Variants in GTPBP10 observed in about 807,000 individuals in gnomAD.
The protein encoded by GTPBP10 is GTP-binding protein 10.
In GTPBP10, 38 loss-of-function variants were observed where a neutral mutation model predicts 44.8. The ratio of observed to expected loss-of-function variants is 0.85; its 90% CI spans 0.65 to 1.11. The LOEUF is 1.11. Among genes scored for constraint, GTPBP10 ranks in the 50% most tolerant of loss-of-function variants. The probability of loss-of-function intolerance (pLI) is 0.00; values close to 1 mark genes in which losing one functional copy is unlikely to be tolerated. For synonymous variants in GTPBP10, 152 were observed against 150.6 expected (o/e 1.01, Z -0.07); for missense variants, 462 against 453.7 (o/e 1.02, Z -0.17).
chr7:90,371,533 T>G (rs1299321139), intron 4 of GTPBP10, among the ~76,000 whole-genome samples: 1 of 152,080 alleles, frequency 6.6e-6, no homozygotes, highest in African/African-American at 2.4e-5. Context: ...GAAAAGAAAC[T>G]CTGTAGGACA....
rs59645149 is a variant in GTPBP10 at position 90,365,368 on chromosome 7, C to CTTTTTTTTT, written c.465-6770_465-6762dup. ...TTTTGGACTGAGACTTTGGGGTTTTCTTTTTTTTTTTTTTTTTTTTTTTTT... is the reference window on the plus strand; with the variant it reads ...TTTTGGACTGAGACTTTGGGGTTTTCTTTTTTTTTTTTTTTTTTTTTTTTTTTTTTTTTT... On this transcript the variant is annotated intron_variant, in intron 4 of 9. Coordinates refer to ENST00000222511, the MANE Select transcript of GTPBP10 (RefSeq NM_033107.4). Among the ~76,000 whole-genome samples the CTTTTTTTTT allele has an allele frequency of 4.2e-4, 38 of 90,362 alleles. 2 individuals carry two copies. The highest frequency in any genetic ancestry group is 7.1e-4 in the Admixed American group (5 of 7,092). 59.3% of individuals were successfully genotyped at this position (90,362 alleles called of 152,430 possible).
chr7:90,349,547 A>G (rs1795748128), intron 1 of GTPBP10, among the ~76,000 whole-genome samples: 1 of 152,212 alleles, frequency 6.6e-6, no homozygotes, highest in South Asian at 2.1e-4. Context: ...TTTGTTCTCT[A>G]GGCCTTCTTA....
At chr7:90,367,520 T>G (rs1228380170) in intron 4 of GTPBP10, among the ~76,000 whole-genome samples, 1 of 152,234 alleles carries the variant, frequency 6.6e-6, no homozygotes, top group Admixed American at 6.5e-5. Context: ...AATTGATCCC[T>G]TTACCATTAT....
At chr7:90,354,640 T>C (rs1795859203) in intron 3 of GTPBP10, 91 bp downstream of exon 3, 1 of 666,694 alleles carries the variant, frequency 1.5e-6, no homozygotes, top group Admixed American at 3.1e-5. Context: ...TCAGAAGATT[T>C]TTTAACTAAC....
At chr7:90,353,329 A>G (rs1206035519) in intron 2 of GTPBP10, 3 of 193,296 alleles carry the variant, frequency 1.6e-5, no homozygotes, top group East Asian at 2.6e-4. Flanking sequence ...GAAAACTTTC[A>G]GTCTTAACCA....
chr7:90,350,782 G>C (rs1403594350), intron 1 of GTPBP10, among the ~76,000 whole-genome samples: 4 of 152,064 alleles, frequency 2.6e-5, no homozygotes, highest in Non-Finnish European at 4.4e-5. Context: ...TCTTATTCTG[G>C]ATTCATTTAT....
intron 8 of GTPBP10, among the ~76,000 whole-genome samples, chr7:90,378,599 T>G (rs944315991): frequency 1.3e-5 from 2 of 152,242 alleles, no homozygotes; most frequent in African/African-American, 4.8e-5. Flanking sequence ...GTAACATTAT[T>G]CAGAGTTCTG....
chr7:90,383,653 A>G (rs1326762809), intron 9 of GTPBP10: 2 of 152,222 alleles, frequency 1.3e-5, no homozygotes, highest in African/African-American at 2.4e-5. Flanking sequence ...GACTATATGT[A>G]AAGTAACTTA....
chr7:90,354,652 AT>A, intron 3 of GTPBP10, 103 bp downstream of exon 3: 1 of 609,162 alleles, frequency 1.6e-6, no homozygotes, highest in Admixed American at 3.3e-5. Flanking sequence ...TTAACTAACA[AT>A]TTTAGCTACT....
At chr7:90,355,416 AT>A (rs1255074388) in intron 4 of GTPBP10, among the ~76,000 whole-genome samples, 186 bp downstream of exon 4, 2 of 152,160 alleles carry the variant, frequency 1.3e-5, no homozygotes, top group African/African-American at 4.8e-5. Flanking sequence ...TTTCATAGTT[AT>A]TGCTTATTTA....
chr7:90,372,163 A>G lies in GTPBP10; in HGVS notation c.473A>G (p.Asn158Ser), dbSNP rs546383811. Residue 158 changes from asparagine to serine, a missense_variant, in exon 5 of 10, where the codon AAT becomes AGT. By Grantham distance (46) the Asn-to-Ser change is conservative (BLOSUM62 1). Transcript: ENST00000222511. ...IADVGLVGFP[N>S]AGKSSLLSCV... ...TTATATTCTTGTTTCAGATTCCCAA[A>G]TGCTGGAAAATCCTCTTTGCTAAGT... 6.7e-4 allele frequency: 1,078 copies of G among 1,599,576 alleles called. 13 individuals carry two copies. The South Asian group carries it at 0.011, about 16-fold the overall frequency.
rs1796550008 is a variant in GTPBP10, at chr7:90,387,825, T to C, written c.*2671T>C. The C allele has an allele frequency of 1.3e-5, 2 of 152,216 alleles. No individual in the cohort carries two copies. Among genetic ancestry groups the C allele is most frequent in the Non-Finnish European group, 2.9e-5 (2 of 68,038 alleles). 9.4% of individuals were successfully genotyped at this position (152,216 alleles called of 1,614,324 possible). On this transcript the variant is annotated 3_prime_UTR_variant, in exon 10 of 10. Coordinates refer to ENST00000222511, the MANE Select transcript of GTPBP10 (RefSeq NM_033107.4). ...GAAAAGCGTTTGGAATTTATAGTGA[T>C]CACAGTGACCAGGTTTTGTATTGGG...
rs1182211086 is a variant in GTPBP10 at position 90,366,652 on chromosome 7, A to G, written c.465-5503A>G. ...CCTTTAGCATTTTTTTATTGCGTCT[A>G]TTTGATTCTTCCCTCATTTCTTCTT... is the stretch of plus-strand genomic sequence containing the variant. On this transcript the variant is annotated intron_variant, in intron 4 of 9. Transcript: ENST00000222511. 4.1e-5 allele frequency among the ~76,000 whole-genome samples: 6 copies of G among 146,318 alleles called. No individual in the cohort carries two copies. The East Asian group carries it at 7.9e-4, about 19-fold the overall frequency.
chr7:90,348,309 C>G (rs978833214), intron 1 of GTPBP10, among the ~76,000 whole-genome samples: 7 of 152,098 alleles, frequency 4.6e-5, no homozygotes, highest in South Asian at 2.1e-4. Flanking sequence ...AGAGATGCCC[C>G]CGCCACAGCT....
chr7:90,352,760 G>T, intron 1 of GTPBP10, 56 bp from the exon 2 acceptor site: 5 of 1,300,132 alleles, frequency 3.8e-6, no homozygotes, highest in Non-Finnish European at 5.2e-6. Flanking sequence ...ACTAGAAAAA[G>T]GTTCTAAGGT....
chr7:90,351,705 T>TC (rs1300581300), intron 1 of GTPBP10, among the ~76,000 whole-genome samples: 1 of 152,196 alleles, frequency 6.6e-6, no homozygotes, highest in African/African-American at 2.4e-5. Context: ...CATAAGCATT[T>TC]TTTTTTTTGA....
intron 2 of GTPBP10, 113 bp downstream of exon 2, chr7:90,353,122 A>G: frequency 1.5e-6 from 1 of 664,874 alleles, no homozygotes. Flanking sequence ...TATTTCCTGT[A>G]TTTATAACCA....
At chr7:90,378,424 C>G (rs1275860459) in intron 8 of GTPBP10, 2 of 208,642 alleles carry the variant, frequency 9.6e-6, no homozygotes, top group Admixed American at 1.3e-4. Context: ...CTTCCAAATC[C>G]CCATTACATA....
chr7:90,373,828 T>A (rs1463227229), intron 5 of GTPBP10, among the ~76,000 whole-genome samples: 1 of 152,168 alleles, frequency 6.6e-6, no homozygotes, highest in Non-Finnish European at 1.5e-5. Flanking sequence ...GTGTTTGTCT[T>A]TTTCCAAATA....
Sources: gnomAD v4.1 joint callset for allele counts (sites outside exome capture counted in the v4.1 genomes callset) on GRCh38, gnomAD v4.1.1 for gene constraint, MANE v1.5 for transcripts, NCBI Gene and HGNC (gene_info 2026-07-23, HGNC 2026-07-21) for gene names.